TTYH1: variants seen among roughly 807,000 people sequenced by gnomAD.
TTYH1 encodes protein tweety homolog 1.
Under a neutral mutation model 61.2 loss-of-function variants are expected in TTYH1, and 33 were observed. That is an observed-to-expected ratio of 0.54 (90% CI 0.41 to 0.72). The LOEUF (loss-of-function observed/expected upper bound fraction) is 0.72. Ranked by LOEUF, TTYH1 falls within the 30% of genes least tolerant of loss-of-function variation. TTYH1 has a pLI of 0.00. For missense variants in TTYH1, 538 were observed against 575.8 expected (o/e 0.93, Z 0.67); for synonymous variants, 308 against 266.4 (o/e 1.16, Z -1.52).
At chr19:54,428,869 A>G (rs899681712) in intron 5 of TTYH1, among the ~76,000 whole-genome samples, 2 of 151,806 alleles carry the variant, frequency 1.3e-5, no homozygotes, top group East Asian at 1.9e-4. Flanking sequence ...CGCCCCCTGC[A>G]CCCCTCCCCA....
At chr19:54,423,007 C>T (rs1241023214) in intron 4 of TTYH1, among the ~76,000 whole-genome samples, 1 of 151,412 alleles carries the variant, frequency 6.6e-6, no homozygotes, top group Non-Finnish European at 1.5e-5. Flanking sequence ...CATGGCCATC[C>T]TGACACCCAT....
rs368057118 is a variant in TTYH1, at chr19:54,429,950, C to G, written c.876C>G (p.Leu292=). The G allele has an allele frequency of 1.2e-6, 2 of 1,613,862 alleles. No homozygotes were observed. Among genetic ancestry groups the G allele is most frequent in the Non-Finnish European group, 1.7e-6 (2 of 1,179,818 alleles). The change falls in exon 7 of 14, where the codon CTC becomes CTG. Residue 292 remains leucine (L), a synonymous_variant. Coordinates refer to ENST00000376530, the MANE Select transcript of TTYH1 (RefSeq NM_020659.4). This position sits in a 1 kb window ranked among gnomAD's most constrained non-coding sequence, Gnocchi z 5.1. ...VLNLTQEETG[L]SSDILSYYLL... ...ACCTGACCCAGGAGGAGACAGGGCT[C>G]AGCTCAGGTGATTTCCAAGGGCCCG...
At chr19:54,428,640 A>C (rs984246678) in intron 5 of TTYH1, among the ~76,000 whole-genome samples, 1 of 152,162 alleles carries the variant, frequency 6.6e-6, no homozygotes, top group Non-Finnish European at 1.5e-5. Flanking sequence ...GGCCATTCTC[A>C]TTGGAGGAGT....
Position 54,419,376 on chromosome 19 carries a change from G to T in TTYH1, c.305+70G>T, listed in dbSNP as rs1272725202. 1.4e-6 allele frequency: 2 copies of T among 1,477,008 alleles called. No homozygotes were observed. The highest frequency in any genetic ancestry group is 2.4e-5 in the East Asian group (1 of 42,134). The allele number at this position is 1,477,008 out of a possible 1,614,324, so 91.5% of individuals were successfully genotyped here. ...CAAGCTCTTTGCTGGCCTTCCTGGG[G>T]GTGTCCTCCGGGGACATGGAGGAAG... On this transcript the variant is annotated intron_variant, in intron 2 of 13. Coordinates refer to ENST00000376530, the MANE Select transcript of TTYH1 (RefSeq NM_020659.4). This position sits in a 1 kb window ranked among gnomAD's most constrained non-coding sequence, Gnocchi z 6.1.
In TTYH1 at chr19:54,429,889, G is replaced by T. The variant is rs1422193652; in HGVS notation, c.815G>T (p.Ser272Ile). 1 of 1,613,946 alleles carries T rather than the reference G, an allele frequency of 6.2e-7. No homozygotes were observed. The highest frequency in any genetic ancestry group is 8.5e-7 in the Non-Finnish European group (1 of 1,179,866). The stretch of plus-strand genomic sequence containing the variant: ...TTCTGCTGCCTCACGCAGGGCCTCA[G>T]TGACTTCTGCTCCAATCCAGACCCT... ...GLEAATAVGL[S>I]DFCSNPDPYV... Residue 272 changes from serine (S) to isoleucine (I), a missense_variant, in exon 7 of 14, where the codon AGT becomes ATT. Ser to Ile is a moderately radical substitution (Grantham distance 142). Coordinates refer to ENST00000376530, the MANE Select transcript of TTYH1 (RefSeq NM_020659.4). This position sits in a 1 kb window ranked among gnomAD's most constrained non-coding sequence, Gnocchi z 5.1.
Position 54,421,247 on chromosome 19 carries a change from T to C in TTYH1, c.306-30T>C. 6.6e-7 allele frequency: 1 copy of C among 1,507,156 alleles called. No homozygotes were observed. Among genetic ancestry groups the C allele is most frequent in the Non-Finnish European group, 9.2e-7 (1 of 1,083,210 alleles). 93.4% of individuals were successfully genotyped at this position (1,507,156 alleles called of 1,614,324 possible). Reference sequence around the variant, plus strand: ...TGGCCCCCGGGGTCCTGGGACCCGCTGAGATTCCTCTCCCTCCTCCTCCGC... The same window carrying C: ...TGGCCCCCGGGGTCCTGGGACCCGCCGAGATTCCTCTCCCTCCTCCTCCGC... On this transcript the variant is annotated intron_variant, in intron 2 of 13. Transcript: ENST00000376530. The surrounding 1 kb of genome is among the most constrained non-coding windows in gnomAD (Gnocchi z 4.8).
In TTYH1 at chr19:54,420,727, G is replaced by A. The variant is rs145026019; in HGVS notation, c.306-550G>A. On this transcript the variant is annotated intron_variant, in intron 2 of 13. Coordinates refer to ENST00000376530, the MANE Select transcript of TTYH1 (RefSeq NM_020659.4). The surrounding 1 kb of genome is among the most constrained non-coding windows in gnomAD (Gnocchi z 4.8). ...CTTGGGTCCCGGGTGGGGGAAGGCCGAGAGCTCCAGGCTCAGCGTCCCCCC... is the reference window on the plus strand; with the variant it reads ...CTTGGGTCCCGGGTGGGGGAAGGCCAAGAGCTCCAGGCTCAGCGTCCCCCC... The A allele has an allele frequency of 1.3e-4, 22 of 168,602 alleles. No individual in the cohort carries two copies. Among genetic ancestry groups the A allele is most frequent in the South Asian group, 1.0e-3 (5 of 4,950 alleles). 10.4% of individuals were successfully genotyped at this position (168,602 alleles called of 1,614,324 possible). A position where few individuals can be genotyped will look rare whatever the true frequency, so the allele number is the denominator to read the frequency against.
In TTYH1 at chr19:54,416,919, C is replaced by T. The variant is rs757636141; in HGVS notation, c.126+1241C>T. 7.8e-6 allele frequency: 10 copies of T among 1,281,848 alleles called. No homozygotes were observed. In the South Asian group the frequency reaches 1.0e-4, roughly 13 times the overall value. 79.4% of individuals were successfully genotyped at this position (1,281,848 alleles called of 1,614,324 possible). ...CGGGGATCCGCGGCCCCAGTCACCG[C>T]CAGAGGCACGGGTTTGGGGGAGCCT... On this transcript the variant is annotated intron_variant, in intron 1 of 13. Transcript: ENST00000376530. This position sits in a 1 kb window ranked among gnomAD's most constrained non-coding sequence, Gnocchi z 7.0.
chr19:54,422,285 C>A lies in TTYH1; in HGVS notation c.513C>A (p.Ala171=). 1.3e-6 allele frequency: 2 copies of A among 1,567,104 alleles called. No homozygotes were observed. Among genetic ancestry groups the A allele is most frequent in the African/African-American group, 1.3e-5 (1 of 74,474 alleles). Residue 171 remains alanine (A), a synonymous_variant, in exon 4 of 14, where the codon GCC becomes GCA. Coordinates refer to ENST00000376530, the MANE Select transcript of TTYH1 (RefSeq NM_020659.4). ...VLEPRTELVA[A]ARGARRQAEA... The stretch of plus-strand genomic sequence containing the variant: ...AGCCGCGCACGGAGCTGGTGGCTGC[C>A]GCCCGAGGGGCTCGACGGCAGGCGG...
chr19:54,424,328 A>G lies in TTYH1; in HGVS notation c.638+1918A>G, dbSNP rs543646664. On this transcript the variant is annotated intron_variant, in intron 4 of 13. Coordinates refer to ENST00000376530, the MANE Select transcript of TTYH1 (RefSeq NM_020659.4). ...CCATGACGGTGTCCTCATTGCTTTG[A>G]CCATTAGTAATCATTCATTCATTCA... Among the ~76,000 whole-genome samples the G allele has an allele frequency of 3.3e-5, 5 of 152,194 alleles. No individual in the cohort carries two copies. The East Asian group carries it at 9.7e-4, about 29-fold the overall frequency.
Position 54,420,604 on chromosome 19 carries a change from C to G in TTYH1, c.306-673C>G, listed in dbSNP as rs1326546854. ...CCCACATTCAGGTCCCACAATGGAG[C>G]TCTGTGTGTCGGTAGGGTGGGGGCG... On this transcript the variant is annotated intron_variant, in intron 2 of 13. Coordinates refer to ENST00000376530, the MANE Select transcript of TTYH1 (RefSeq NM_020659.4). The surrounding 1 kb of genome is among the most constrained non-coding windows in gnomAD (Gnocchi z 4.8). 6.2e-6 allele frequency: 1 copy of G among 161,112 alleles called. No homozygotes were observed. Among genetic ancestry groups the G allele is most frequent in the Admixed American group, 6.5e-5 (1 of 15,272 alleles). 10.0% of individuals were successfully genotyped at this position (161,112 alleles called of 1,614,324 possible).
Position 54,421,453 on chromosome 19 carries a change from C to T in TTYH1, c.417+65C>T. Reference sequence around the variant, plus strand: ...TGGACGGGCTCCCCACACCCAAGGACAAAGGGATCCAAACTCAGAGCTAAG... The same window carrying T: ...TGGACGGGCTCCCCACACCCAAGGATAAAGGGATCCAAACTCAGAGCTAAG... On this transcript the variant is annotated intron_variant, in intron 3 of 13. Transcript: ENST00000376530. This position sits in a 1 kb window ranked among gnomAD's most constrained non-coding sequence, Gnocchi z 4.8. 1 of 1,076,322 alleles carries T rather than the reference C, an allele frequency of 9.3e-7. No homozygotes were observed. The highest frequency in any genetic ancestry group is 1.7e-5 in the Admixed American group (1 of 58,630). 66.7% of individuals were successfully genotyped at this position (1,076,322 alleles called of 1,614,324 possible). A position where few individuals can be genotyped will look rare whatever the true frequency, so the allele number is the denominator to read the frequency against.
At chr19:54,418,984 C>G (rs1262272801) in intron 1 of TTYH1, 144 bp from the exon 2 acceptor site, 1 of 795,244 alleles carries the variant, frequency 1.3e-6, no homozygotes, top group Non-Finnish European at 1.9e-6. Context: ...GGCTGGGACC[C>G]AATCTCCCCC....
chr19:54,429,704 A>G lies in TTYH1; in HGVS notation c.808-178A>G, dbSNP rs1335706754. On this transcript the variant is annotated intron_variant, in intron 6 of 13. Coordinates refer to ENST00000376530, the MANE Select transcript of TTYH1 (RefSeq NM_020659.4). This position sits in a 1 kb window ranked among gnomAD's most constrained non-coding sequence, Gnocchi z 5.1. ...AGGGAGAAAGGGCTGGAGAGTCTGA[A>G]CCCCTGAGTCTGAGGGACGAGGGGC... is the stretch of plus-strand genomic sequence containing the variant. Among the ~76,000 whole-genome samples the G allele has an allele frequency of 6.8e-6, 1 of 148,028 alleles. No homozygotes were observed. Among genetic ancestry groups the G allele is most frequent in the Non-Finnish European group, 1.5e-5 (1 of 67,062 alleles).
rs1043480459 is a variant in TTYH1 at position 54,430,879 on chromosome 19, G to T, written c.1006G>T (p.Ala336Ser). ...HSQLLGLERE[A>S]VPQFPSAQKP... ...CCAGCTGCTGGGCCTGGAGCGAGAA[G>T]CTGTGCCTCAGTTCCCTTCAGCGCA... The change falls in exon 9 of 14, where the codon GCT (alanine) becomes TCT (serine). Residue 336 changes from alanine (A) to serine (S), a missense_variant. Physicochemically the swap from Ala to Ser is moderately conservative, Grantham distance 99 (BLOSUM62 1). Coordinates refer to ENST00000376530, the MANE Select transcript of TTYH1 (RefSeq NM_020659.4). 15 of 1,613,408 alleles carry T rather than the reference G, an allele frequency of 9.3e-6. No individual in the cohort carries two copies. Among genetic ancestry groups the T allele is most frequent in the Non-Finnish European group, 1.3e-5 (15 of 1,180,018 alleles).
rs147851878 is a variant in TTYH1, at chr19:54,421,347, C to T, written c.376C>T (p.Leu126=). The T allele has an allele frequency of 7.1e-5, 115 of 1,613,896 alleles. No homozygotes were observed. In the African/African-American group the frequency reaches 1.4e-3, roughly 19 times the overall value. The change falls in exon 3 of 14, where the codon CTG becomes TTG. Residue 126 remains leucine (L), a synonymous_variant. Transcript: ENST00000376530. This position sits in a 1 kb window ranked among gnomAD's most constrained non-coding sequence, Gnocchi z 4.8. ...TGGGGTGTCCCAGCTCAGCTCTGCG[C>T]TGCTGCACGCCAACCACACACTCAG... is the stretch of plus-strand genomic sequence containing the variant. The part of the protein sequence containing the change: ...SDGVSQLSSA[L]LHANHTLSTI...
In TTYH1 at chr19:54,421,408, T is replaced by C; in HGVS notation, c.417+20T>C. On this transcript the variant is annotated intron_variant, in intron 3 of 13. Coordinates refer to ENST00000376530, the MANE Select transcript of TTYH1 (RefSeq NM_020659.4). This position sits in a 1 kb window ranked among gnomAD's most constrained non-coding sequence, Gnocchi z 4.8. ...CACCTGGTGAGGGGCCAGCAACCAG[T>C]GGGACCCCAGACCCACACCTGGACG... is the stretch of plus-strand genomic sequence containing the variant. 7.1e-6 allele frequency: 11 copies of C among 1,553,950 alleles called. No homozygotes were observed. Among genetic ancestry groups the C allele is most frequent in the Non-Finnish European group, 9.8e-6 (11 of 1,125,360 alleles).
At position 54,436,101 on chromosome 19, in the gene TTYH1, G is replaced by A. The variant is rs777329090; in HGVS notation, c.1325G>A (p.Arg442His). Residue 442 changes from arginine (R) to histidine (H), a missense_variant, in exon 13 of 14, where the codon CGC (arginine) becomes CAC (histidine). Arg to His is a conservative substitution (Grantham distance 29). Around this residue, in one of 3 missense-constraint regions of TTYH1, gnomAD observed 378 missense variants for 401.2 expected, o/e 0.94. Transcript: ENST00000376530. The surrounding 1 kb of genome is among the most constrained non-coding windows in gnomAD (Gnocchi z 4.3). ...CGAATCTCCTAGCAGGAATCCAAGC[G>A]CTTTGTGCAGTGGCAGTCGTCTATC... ...DDPFNPQESK[R>H]FVQWQSSI is the part of the protein sequence containing the mutation. The A allele has an allele frequency of 1.2e-6, 2 of 1,614,070 alleles. No individual in the cohort carries two copies. Among genetic ancestry groups the A allele is most frequent in the East Asian group, 2.2e-5 (1 of 44,880 alleles).
chr19:54,415,622 T>C lies in TTYH1; in HGVS notation c.70T>C (p.Phe24Leu). 1.3e-6 allele frequency: 2 copies of C among 1,565,066 alleles called. No individual in the cohort carries two copies. The highest frequency in any genetic ancestry group is 1.7e-4 in the Middle Eastern group (1 of 5,818). Residue 24 changes from phenylalanine (F) to leucine (L), a missense_variant, in exon 1 of 14, where the codon TTC (phenylalanine) becomes CTC (leucine). Phe to Leu is a conservative substitution (Grantham distance 22). This residue lies in a region of TTYH1 where 157 missense variants were observed against 157.0 expected (regional missense o/e 1.00). Transcript: ENST00000376530. This position sits in a 1 kb window ranked among gnomAD's most constrained non-coding sequence, Gnocchi z 5.2. Reference sequence around the variant, plus strand: ...CCTCCACCAGCTGCCCCGCGCCGACTTCCAGCTCCGCCCGGTGCCCAGCGT... The same window carrying C: ...CCTCCACCAGCTGCCCCGCGCCGACCTCCAGCTCCGCCCGGTGCCCAGCGT... Reference protein sequence around the residue: ...HLLHQLPRADFQLRPVPSVFA... With the variant: ...HLLHQLPRADLQLRPVPSVFA...
Sources: allele counts gnomAD v4.1 joint callset (sites outside exome capture counted in the v4.1 genomes callset), GRCh38; gene constraint gnomAD v4.1.1; regional missense constraint gnomAD v4.1.1; non-coding constraint Gnocchi (gnomAD v3.1); transcripts MANE v1.5; gene names NCBI Gene and HGNC (gene_info 2026-07-23, HGNC 2026-07-21).